The following ANKMY1 variants were observed in gnomAD, a reference collection of about 807,000 sequenced individuals.
ANKMY1 encodes the protein ankyrin repeat and MYND domain containing 1, also known as ankyrin repeat and MYND domain-containing protein 1.
A neutral mutation model predicts 102.0 loss-of-function variants in ANKMY1; 98 were observed. The observed-to-expected ratio is 0.96, with a 90% CI of 0.82 to 1.14. ANKMY1 has a LOEUF of 1.14. ANKMY1 is among the 50% of genes most tolerant of loss of function. ANKMY1 has a pLI of 0.00. For synonymous variants in ANKMY1, 582 were observed against 559.9 expected, an observed-to-expected ratio of 1.04 and a Z score of -0.56; for missense variants, 1,330 against 1,347.6, an observed-to-expected ratio of 0.99 and a Z score of 0.20.
At chr2:240,538,931 C>T (rs931834868) in intron 4 of ANKMY1, among the ~76,000 whole-genome samples, 5 of 152,160 alleles carry the variant, frequency 3.3e-5, no homozygotes, top group Admixed American at 1.3e-4. Flanking sequence ...TTATGTCTAG[C>T]TAGAGGATTG....
chr2:240,491,570 G>A (rs2076659134), intron 15 of ANKMY1, among the ~76,000 whole-genome samples: 1 of 152,084 alleles, frequency 6.6e-6, no homozygotes, highest in African/African-American at 2.4e-5. Flanking sequence ...TCTATGTTTA[G>A]GACTCCCTTG....
In ANKMY1 at chr2:240,520,476, G is replaced by A. The variant is rs761592948; in HGVS notation, c.1890C>T (p.Asn630=). ...GGACCTGCATGGGCACGCAGCACAG[G>A]TTGGGGTCCGCGCCCCGGCGCAGCA... ...KLLLRRGADP[N]LCCVPMQVLF... The change falls in exon 9 of 18, where the codon AAC becomes AAT. Residue 630 remains asparagine, a synonymous_variant. Coordinates refer to ENST00000401804, the MANE Select transcript of ANKMY1 (RefSeq NM_001282771.3). The surrounding 1 kb of genome is among the most constrained non-coding windows in gnomAD (Gnocchi z 4.8). The A allele has an allele frequency of 1.9e-6, 3 of 1,613,410 alleles. No homozygotes were observed. The highest frequency in any genetic ancestry group is 2.5e-6 in the Non-Finnish European group (3 of 1,179,762).
At chr2:240,512,765 A>AG (rs751797250) in intron 10 of ANKMY1, 37 bp downstream of exon 10, 2 of 1,583,026 alleles carry the variant, frequency 1.3e-6, no homozygotes, top group South Asian at 2.3e-5. Flanking sequence ...CACCTGGCCA[A>AG]GGCCCCATAC....
At chr2:240,486,496 G>A (rs982041664) in intron 15 of ANKMY1, among the ~76,000 whole-genome samples, 1 of 151,990 alleles carries the variant, frequency 6.6e-6, no homozygotes, top group Non-Finnish European at 1.5e-5. Flanking sequence ...CCTACCTTAA[G>A]TTACTTGCTT....
chr2:240,541,096 A>C (rs1158655365), intron 4 of ANKMY1, among the ~76,000 whole-genome samples: 1 of 152,230 alleles, frequency 6.6e-6, no homozygotes, highest in Non-Finnish European at 1.5e-5. Flanking sequence ...AAGAGAGGAA[A>C]GCACCCCAAC....
At chr2:240,539,373 C>T (rs753362087) in intron 4 of ANKMY1, among the ~76,000 whole-genome samples, 1 of 152,136 alleles carries the variant, frequency 6.6e-6, no homozygotes, top group African/African-American at 2.4e-5. Flanking sequence ...TAACACTCAC[C>T]GTGAAGGTCT....
At chr2:240,553,110 G>A in intron 3 of ANKMY1, 53 bp from the exon 4 acceptor site, 1 of 1,593,070 alleles carries the variant, frequency 6.3e-7, no homozygotes. Flanking sequence ...AACCTGACGG[G>A]ATGCCCTTGA....
chr2:240,558,061 C>T, upstream of ANKMY1: 1 of 865,584 alleles, frequency 1.2e-6, no homozygotes, highest in Non-Finnish European at 1.4e-6. Flanking sequence ...GCCAATCCCC[C>T]CGCCAGGACG....
chr2:240,512,123 T>C (rs2080320424), intron 10 of ANKMY1, 122 bp from the exon 11 acceptor site: 7 of 1,233,312 alleles, frequency 5.7e-6, no homozygotes, highest in Non-Finnish European at 6.4e-6. Flanking sequence ...TGCGAAACCC[T>C]CTTGAAGGCG....
chr2:240,537,861 T>C (rs1307747323), intron 4 of ANKMY1, among the ~76,000 whole-genome samples: 2 of 152,234 alleles, frequency 1.3e-5, no homozygotes, highest in African/African-American at 2.4e-5. Context: ...ATGTAGCCAC[T>C]GTTCAAACCA....
intron 8 of ANKMY1, among the ~76,000 whole-genome samples, chr2:240,521,484 G>A (rs974771138): frequency 7.1e-5 from 9 of 126,924 alleles, no homozygotes; most frequent in African/African-American, 2.7e-4. Flanking sequence ...AACTCGCGGT[G>A]TTACAGCTTT....
intron 15 of ANKMY1, among the ~76,000 whole-genome samples, chr2:240,484,240 C>T (rs973753626): frequency 5.3e-5 from 8 of 152,220 alleles, no homozygotes; most frequent in African/African-American, 1.2e-4. Flanking sequence ...GCTTGTATAG[C>T]GAAGACAATC....
chr2:240,557,309 G>A lies in ANKMY1; in HGVS notation c.27C>T (p.Ser9=), dbSNP rs1263152820. MEGAHASL[S]LEDEVSGAGS... is the part of the protein sequence containing the mutation. ...CAGCCCCAGAGACTTCGTCCTCTAA[G>A]CTAAGGGAGGCATGGGCCCCTTCCA... The change falls in exon 2 of 18, where the codon AGC becomes AGT. Residue 9 remains serine (S), a synonymous_variant. Transcript: ENST00000401804. 6.3e-7 allele frequency: 1 copy of A among 1,583,786 alleles called. No individual in the cohort carries two copies. Among genetic ancestry groups the A allele is most frequent in the South Asian group, 1.1e-5 (1 of 87,932 alleles).
At chr2:240,543,877 C>T (rs1436771453) in intron 4 of ANKMY1, among the ~76,000 whole-genome samples, 1 of 152,124 alleles carries the variant, frequency 6.6e-6, no homozygotes, top group Admixed American at 6.6e-5. Flanking sequence ...AATTGTGGAA[C>T]TGTTCTCATC....
intron 8 of ANKMY1, 172 bp downstream of exon 8, chr2:240,523,712 CA>C: frequency 8.8e-7 from 1 of 1,134,520 alleles, no homozygotes; most frequent in South Asian, 1.6e-5. Flanking sequence ...GTGGCACCCC[CA>C]CAGGGCTGGC....
chr2:240,511,464 C>T (rs576071097), intron 11 of ANKMY1, among the ~76,000 whole-genome samples: 7 of 152,318 alleles, frequency 4.6e-5, no homozygotes, highest in East Asian at 3.9e-4. Context: ...CAGGAGGCAG[C>T]GGCCACAGGG....
chr2:240,514,541 TCTAG>T (rs1288995262), intron 9 of ANKMY1, among the ~76,000 whole-genome samples: 1 of 152,162 alleles, frequency 6.6e-6, no homozygotes, highest in Non-Finnish European at 1.5e-5. Context: ...GAATTCTGTA[TCTAG>T]CTAATCTATT....
rs1013529734 is a variant in ANKMY1, at chr2:240,499,102, G to C, written c.2806+856C>G. 3.3e-5 allele frequency among the ~76,000 whole-genome samples: 5 copies of C among 152,178 alleles called. No individual in the cohort carries two copies. Among genetic ancestry groups the C allele is most frequent in the African/African-American group, 1.2e-4 (5 of 41,426 alleles). On this transcript the variant is annotated intron_variant, in intron 15 of 17. Coordinates refer to ENST00000401804, the MANE Select transcript of ANKMY1 (RefSeq NM_001282771.3). The surrounding 1 kb of genome is among the most constrained non-coding windows in gnomAD (Gnocchi z 4.2). ...AGCACTGTGTGCTGGGAAGGCACCTGGGGTGTTGCTCAGTGGGGGACTGTG... is the reference window on the plus strand; with the variant it reads ...AGCACTGTGTGCTGGGAAGGCACCTCGGGTGTTGCTCAGTGGGGGACTGTG...
chr2:240,517,327 C>T (rs2081365050), intron 9 of ANKMY1, among the ~76,000 whole-genome samples: 1 of 152,152 alleles, frequency 6.6e-6, no homozygotes, highest in South Asian at 2.1e-4. Context: ...GTAAGTGGAC[C>T]GTGTCACTTT....
Sources: allele counts gnomAD v4.1 joint callset (sites outside exome capture counted in the v4.1 genomes callset), GRCh38; gene constraint gnomAD v4.1.1; non-coding constraint Gnocchi (gnomAD v3.1); transcripts MANE v1.5; gene names NCBI Gene and HGNC (gene_info 2026-07-23, HGNC 2026-07-21).